AGBL1: variants seen among roughly 807,000 people sequenced by gnomAD.
The protein encoded by AGBL1 is AGBL carboxypeptidase 1.
Under a neutral mutation model 118.9 loss-of-function variants are expected in AGBL1, and 130 were observed. That is an observed-to-expected ratio of 1.09 (90% CI 0.95 to 1.26). The LOEUF is 1.26. Ranked by LOEUF, AGBL1 falls within the 50% of genes most tolerant of loss-of-function variation. The pLI is 0.00. For synonymous variants in AGBL1, 555 were observed against 478.9 expected, an observed-to-expected ratio of 1.16 and a Z score of -2.08; for missense variants, 1,584 against 1,298.1, an observed-to-expected ratio of 1.22 and a Z score of -3.38.
intron 9 of AGBL1, among the ~76,000 whole-genome samples, chr15:86,259,461 C>A (rs1452111125): frequency 6.6e-5 from 10 of 152,098 alleles, no homozygotes; most frequent in African/African-American, 9.7e-5. Context: ...TAAAAAAAAT[C>A]AAAAATCTTC....
chr15:86,215,421 C>T (rs4887416), intron 5 of AGBL1, among the ~76,000 whole-genome samples: 31,512 of 151,894 alleles, frequency 0.21, 3,676 homozygotes, highest in East Asian at 0.38. Flanking sequence ...TTTCTTTTTC[C>T]GCTGCAACAA....
chr15:86,271,020 T>G (rs2079151742), intron 14 of AGBL1, among the ~76,000 whole-genome samples: 1 of 150,298 alleles, frequency 6.7e-6, no homozygotes, highest in African/African-American at 2.4e-5. Context: ...TCTTGAAATC[T>G]CTCTCTGCTT....
chr15:86,548,339 C>T (rs868017962), intron 20 of AGBL1, among the ~76,000 whole-genome samples: 33 of 152,236 alleles, frequency 2.2e-4, no homozygotes, highest in African/African-American at 2.9e-4. Flanking sequence ...ATCCACTCTG[C>T]AACATTTATT....
chr15:86,978,486 G>T (rs2081196951), intron 23 of AGBL1, among the ~76,000 whole-genome samples: 1 of 152,176 alleles, frequency 6.6e-6, no homozygotes, highest in Non-Finnish European at 1.5e-5. Flanking sequence ...CAAAGCTGGG[G>T]GTTTAAGTAC....
chr15:86,166,622 C>T (rs770440144), intron 5 of AGBL1, among the ~76,000 whole-genome samples: 1 of 152,164 alleles, frequency 6.6e-6, no homozygotes, highest in Non-Finnish European at 1.5e-5. Flanking sequence ...GGGTGGTGAA[C>T]CAGATTCCTT....
At chr15:86,336,647 C>T (rs1229229331) in intron 17 of AGBL1, among the ~76,000 whole-genome samples, 3 of 152,132 alleles carry the variant, frequency 2.0e-5, no homozygotes, top group African/African-American at 7.2e-5. Flanking sequence ...GGACACTTTC[C>T]AGCTCTGATC....
chr15:86,293,107 AAATAGGTTTTAGTCTATTCCTATTC>A (rs1278019106), intron 16 of AGBL1, among the ~76,000 whole-genome samples: 1 of 152,188 alleles, frequency 6.6e-6, no homozygotes, highest in East Asian at 1.9e-4. Context: ...AGTAGAGTAT[AAATAGGTTTTAGTCTATTCCTATTC>A]AGATGTCGGG....
intron 6 of AGBL1, among the ~76,000 whole-genome samples, chr15:86,228,403 T>C (rs1305482915): frequency 6.6e-6 from 1 of 152,214 alleles, no homozygotes; most frequent in African/African-American, 2.4e-5. Context: ...AGTGTAAAAG[T>C]TGGCCATTGT....
chr15:86,257,337 C>T (rs530690038), intron 8 of AGBL1, among the ~76,000 whole-genome samples: 1 of 152,262 alleles, frequency 6.6e-6, no homozygotes, highest in South Asian at 2.1e-4. Context: ...CGAATCTCTG[C>T]AGCATACTGA....
At chr15:86,094,419 T>G (rs1268326196) in intron 1 of AGBL1, among the ~76,000 whole-genome samples, 1 of 152,122 alleles carries the variant, frequency 6.6e-6, no homozygotes, top group Non-Finnish European at 1.5e-5. Flanking sequence ...TAATTTGAAA[T>G]AGAGAAGAAA....
chr15:86,871,745 C>T (rs572136322), intron 22 of AGBL1, among the ~76,000 whole-genome samples: 2 of 152,274 alleles, frequency 1.3e-5, no homozygotes, highest in East Asian at 1.9e-4. Flanking sequence ...AATAACACAG[C>T]TCTGACTTCC....
At chr15:87,004,228 G>T (rs185008792) in intron 24 of AGBL1, among the ~76,000 whole-genome samples, 3 of 152,222 alleles carry the variant, frequency 2.0e-5, no homozygotes, top group Non-Finnish European at 4.4e-5. Context: ...TATATACCCA[G>T]TAGTCATTCA....
intron 23 of AGBL1, among the ~76,000 whole-genome samples, chr15:86,939,337 G>A (rs13313470): frequency 0.012 from 1,883 of 152,276 alleles, 39 homozygotes; most frequent in African/African-American, 0.043. Flanking sequence ...TCTTTCTCCT[G>A]TGCTGCATGC....
At chr15:86,809,521 C>G (rs1173898220) in intron 22 of AGBL1, among the ~76,000 whole-genome samples, 1 of 152,146 alleles carries the variant, frequency 6.6e-6, no homozygotes, top group East Asian at 1.9e-4. Context: ...ACACGATTTG[C>G]TATACTAGCC....
intron 22 of AGBL1, among the ~76,000 whole-genome samples, chr15:86,679,488 G>C (rs2085911745): frequency 6.6e-6 from 1 of 152,014 alleles, no homozygotes; most frequent in African/African-American, 2.4e-5. Flanking sequence ...GGATTTTTCT[G>C]TTTTTCTGGA....
chr15:86,947,415 A>T (rs1302452337), intron 23 of AGBL1, among the ~76,000 whole-genome samples: 1 of 152,166 alleles, frequency 6.6e-6, no homozygotes, highest in Middle Eastern at 3.2e-3. Context: ...GGTAGATTTT[A>T]TGTCAGATAT....
At chr15:86,916,694 G>T (rs2080428990), downstream of AGBL1, among the ~76,000 whole-genome samples, 1 of 152,188 alleles carries the variant, frequency 6.6e-6, no homozygotes, top group East Asian at 1.9e-4. Context: ...AGGGTGAAGG[G>T]CTGGACCACA....
intron 15 of AGBL1, among the ~76,000 whole-genome samples, chr15:86,275,751 C>T (rs992857059): frequency 2.0e-5 from 3 of 152,164 alleles, no homozygotes; most frequent in African/African-American, 7.2e-5. Flanking sequence ...TCATTTTTGA[C>T]CCCAGATGAC....
intron 22 of AGBL1, among the ~76,000 whole-genome samples, chr15:86,723,238 A>C (rs986530218): frequency 6.6e-6 from 1 of 152,258 alleles, no homozygotes; most frequent in Admixed American, 6.5e-5. Flanking sequence ...ACAATAGCAA[A>C]GACTTGGAAC....
Sources: allele counts gnomAD v4.1 joint callset (sites outside exome capture counted in the v4.1 genomes callset), GRCh38; gene constraint gnomAD v4.1.1; transcripts MANE v1.5; gene names NCBI Gene and HGNC (gene_info 2026-07-23, HGNC 2026-07-21).